The following RHPN2 variants were observed in gnomAD, a reference collection of about 807,000 sequenced individuals.
RHPN2 encodes rhophilin-2.
Under a neutral mutation model 79.0 loss-of-function variants are expected in RHPN2, and 40 were observed. The observed-to-expected ratio is 0.51, with a 90% CI of 0.39 to 0.66. The LOEUF is 0.66. Among genes scored for constraint, RHPN2 ranks in the 30% least tolerant of loss-of-function variants. RHPN2 has a pLI of 0.00. For missense variants in RHPN2, 686 were observed against 883.5 expected (o/e 0.78, Z 2.83); for synonymous variants, 285 against 363.5 (o/e 0.78, Z 2.46).
intron 2 of RHPN2, among the ~76,000 whole-genome samples, chr19:33,028,892 A>G (rs975964819): frequency 3.9e-5 from 6 of 152,066 alleles, no homozygotes; most frequent in Admixed American, 1.3e-4. Context: ...TAATCCTAGC[A>G]TTTTGGGAGG....
chr19:33,019,031 CAA>C (rs71301619), intron 4 of RHPN2, among the ~76,000 whole-genome samples: 9 of 105,358 alleles, frequency 8.5e-5, no homozygotes, highest in East Asian at 2.4e-4. Flanking sequence ...AACTCCAGCT[CAA>C]AAAAAAAAAA....
intron 2 of RHPN2, among the ~76,000 whole-genome samples, chr19:33,029,094 C>A (rs1479300548): frequency 1.3e-5 from 2 of 150,946 alleles, no homozygotes; most frequent in East Asian, 3.9e-4. Flanking sequence ...GAGCCAAGAT[C>A]GCGCCACCGC....
At chr19:32,980,832 GTTTGTTT>G (rs977965818) in intron 14 of RHPN2, among the ~76,000 whole-genome samples, 9 of 151,700 alleles carry the variant, frequency 5.9e-5, no homozygotes, top group African/African-American at 2.2e-4. Context: ...ATAATTTTTT[GTTTGTTT>G]TTTGTTTTTG....
chr19:33,062,066 G>A (rs1325270879), intron 1 of RHPN2, among the ~76,000 whole-genome samples: 1 of 152,104 alleles, frequency 6.6e-6, no homozygotes, highest in Admixed American at 6.6e-5. Context: ...CTTCGAACTG[G>A]TATGACTTAA....
intron 1 of RHPN2, among the ~76,000 whole-genome samples, chr19:33,049,746 C>T (rs1015873584): frequency 6.6e-6 from 1 of 152,112 alleles, no homozygotes; most frequent in African/African-American, 2.4e-5. Context: ...TTATGTGGAC[C>T]CTGGTACAGC....
At chr19:33,057,766 TC>T (rs1273448059) in intron 1 of RHPN2, among the ~76,000 whole-genome samples, 2 of 151,816 alleles carry the variant, frequency 1.3e-5, no homozygotes, top group East Asian at 3.9e-4. Context: ...GACCAGGAGA[TC>T]TGTACTGCGG....
chr19:33,006,579 G>A (rs968791327), intron 7 of RHPN2, among the ~76,000 whole-genome samples: 27 of 152,214 alleles, frequency 1.8e-4, no homozygotes, highest in Non-Finnish European at 4.0e-4. Context: ...AAGGCAACAC[G>A]CTATAGAGCT....
chr19:33,007,987 G>A (rs180750380), intron 7 of RHPN2, 27 bp downstream of exon 7: 37 of 1,611,290 alleles, frequency 2.3e-5, no homozygotes, highest in Admixed American at 1.7e-4. Flanking sequence ...CCAAGGCTCC[G>A]TCTGGTCAGC....
At position 32,999,652 on chromosome 19, in the gene RHPN2, C is replaced by G; in HGVS notation, c.1159G>C (p.Asp387His). Residue 387 changes from aspartate (D) to histidine (H), a missense_variant, in exon 10 of 15, where the codon GAC (aspartate) becomes CAC (histidine). Transcript: ENST00000254260. ...GGTGTCAGCCCCTCTGGCATGTGGT[C>G]GTAGAGCTGGGACAGGCACTTCTCC... ...HQEKCLSQLY[D>H]HMPEGLTPLA... is the part of the protein sequence containing the mutation. The G allele has an allele frequency of 1.9e-6, 3 of 1,613,152 alleles. No individual in the cohort carries two copies. Among genetic ancestry groups the G allele is most frequent in the African/African-American group, 1.3e-5 (1 of 74,998 alleles).
At chr19:33,062,761 C>G (rs1972291420) in intron 1 of RHPN2, among the ~76,000 whole-genome samples, 2 of 130,086 alleles carry the variant, frequency 1.5e-5, no homozygotes, top group South Asian at 6.0e-4. Context: ...GAGTGAGACT[C>G]TGTTTCATAA....
intron 3 of RHPN2, among the ~76,000 whole-genome samples, chr19:33,024,681 G>A (rs1050947929): frequency 1.3e-5 from 2 of 151,940 alleles, no homozygotes; most frequent in African/African-American, 2.4e-5. Flanking sequence ...CCTACTTTTT[G>A]AGAAGTCTCA....
intron 4 of RHPN2, among the ~76,000 whole-genome samples, chr19:33,015,591 T>C (rs1418294969): frequency 4.6e-5 from 7 of 152,142 alleles, no homozygotes; most frequent in Non-Finnish European, 1.0e-4. Flanking sequence ...AATAATTTTT[T>C]GCAACGTAAC....
At chr19:33,031,194 TTATTCTATTCTATTCTTTC>T (rs1972007597) in intron 2 of RHPN2, among the ~76,000 whole-genome samples, 1 of 145,876 alleles carries the variant, frequency 6.9e-6, no homozygotes, top group Non-Finnish European at 1.5e-5. Context: ...GTTCAGAATT[TTATTCTATTCTATTCTTTC>T]TATTCTATTC....
At chr19:33,044,704 C>A (rs1176676835) in intron 1 of RHPN2, among the ~76,000 whole-genome samples, 2 of 152,194 alleles carry the variant, frequency 1.3e-5, no homozygotes, top group Non-Finnish European at 2.9e-5. Flanking sequence ...ACCAGCCTGG[C>A]CAACATGGTG....
chr19:32,998,117 G>A (rs1210814297), intron 10 of RHPN2, among the ~76,000 whole-genome samples: 1 of 152,190 alleles, frequency 6.6e-6, no homozygotes, highest in Non-Finnish European at 1.5e-5. Context: ...AACCCGCTAT[G>A]AGCAGGGCAA....
intron 10 of RHPN2, among the ~76,000 whole-genome samples, chr19:32,996,965 G>T (rs1241216017): frequency 6.6e-6 from 1 of 151,992 alleles, no homozygotes; most frequent in Non-Finnish European, 1.5e-5. Flanking sequence ...GTGCAATCAT[G>T]GCTTACCGCA....
chr19:33,013,238 A>C (rs1162277777), intron 4 of RHPN2, among the ~76,000 whole-genome samples: 1 of 151,348 alleles, frequency 6.6e-6, no homozygotes, highest in Non-Finnish European at 1.5e-5. Flanking sequence ...CCTGTTGCCC[A>C]GGCTAGAGTG....
chr19:33,048,455 G>A (rs538010131), intron 1 of RHPN2, among the ~76,000 whole-genome samples: 10 of 151,390 alleles, frequency 6.6e-5, no homozygotes, highest in African/African-American at 2.4e-4. Context: ...GCCGGGCATA[G>A]TAGTTCACGC....
chr19:33,018,479 G>C lies in RHPN2; in HGVS notation c.390+3092C>G, dbSNP rs143356232. ...CCATTGCATCTGGGCATAAGTCTCA[G>C]GTAAAAGTTCAGGCAGGCTGTGGCA... On this transcript the variant is annotated intron_variant, in intron 4 of 14. Coordinates refer to ENST00000254260, the MANE Select transcript of RHPN2 (RefSeq NM_033103.5). Among the ~76,000 whole-genome samples the C allele has an allele frequency of 5.9e-3, 899 of 152,280 alleles. 3 individuals are homozygous for C. Among genetic ancestry groups the C allele is most frequent in the Admixed American group, 0.011 (163 of 15,276 alleles).
Sources: allele counts gnomAD v4.1 joint callset (sites outside exome capture counted in the v4.1 genomes callset), GRCh38; gene constraint gnomAD v4.1.1; transcripts MANE v1.5; gene names NCBI Gene and HGNC (gene_info 2026-07-23, HGNC 2026-07-21).